The following ITPK1 variants were observed in gnomAD, a reference collection of about 807,000 sequenced individuals.
ITPK1 encodes inositol 1,3,4-trisphosphate 5/6-kinase.
A neutral mutation model predicts 45.3 loss-of-function variants in ITPK1; 21 were observed. That is an observed-to-expected ratio of 0.46 (90% CI 0.33 to 0.67). The LOEUF (loss-of-function observed/expected upper bound fraction) is 0.67, where lower values mean the gene tolerates loss of function less well. ITPK1 is among the 30% of genes least tolerant of loss of function. ITPK1 has a pLI of 0.02. For missense variants in ITPK1, 474 were observed against 573.5 expected (o/e 0.83, Z 1.77); for synonymous variants, 258 against 253.6 (o/e 1.02, Z -0.16).
At chr14:93,049,777 T>C (rs1483385595) in intron 3 of ITPK1, among the ~76,000 whole-genome samples, 1 of 143,054 alleles carries the variant, frequency 7.0e-6, no homozygotes, top group East Asian at 2.3e-4. Context: ...TAAGGAAATA[T>C]CCAGAGGGAA....
At chr14:93,064,781 A>G (rs1208057802) in intron 3 of ITPK1, among the ~76,000 whole-genome samples, 1 of 152,190 alleles carries the variant, frequency 6.6e-6, no homozygotes, top group Non-Finnish European at 1.5e-5. Flanking sequence ...TCTGCCTACC[A>G]TTTGTGCAGA....
chr14:93,017,772 G>C (rs1251212325), intron 3 of ITPK1, among the ~76,000 whole-genome samples: 1 of 152,232 alleles, frequency 6.6e-6, no homozygotes, highest in East Asian at 1.9e-4. Flanking sequence ...CAGGATTCAA[G>C]GCTGACTGTT....
At chr14:92,977,760 T>C (rs1886021329) in intron 5 of ITPK1, among the ~76,000 whole-genome samples, 1 of 151,938 alleles carries the variant, frequency 6.6e-6, no homozygotes, top group South Asian at 2.1e-4. Context: ...TCACCAGCCA[T>C]GCCTTCTGTA....
chr14:93,110,556 ACT>A (rs1240460990), intron 2 of ITPK1, among the ~76,000 whole-genome samples: 1 of 151,966 alleles, frequency 6.6e-6, no homozygotes, highest in Non-Finnish European at 1.5e-5. Flanking sequence ...GGCATGCTAC[ACT>A]CTCACTGGCA....
chr14:92,986,809 C>G (rs1250553983), intron 5 of ITPK1, among the ~76,000 whole-genome samples: 1 of 152,186 alleles, frequency 6.6e-6, no homozygotes, highest in Non-Finnish European at 1.5e-5. Context: ...ATCTCTCCTG[C>G]AGGGTGCCAG....
chr14:92,969,094 G>A (rs543571577), intron 5 of ITPK1, among the ~76,000 whole-genome samples: 2 of 152,132 alleles, frequency 1.3e-5, no homozygotes, highest in Non-Finnish European at 2.9e-5. Flanking sequence ...TGAAGTGAGA[G>A]TAAATAAGAA....
intron 2 of ITPK1, among the ~76,000 whole-genome samples, chr14:93,104,656 C>T (rs1278449293): frequency 2.0e-5 from 3 of 152,152 alleles, no homozygotes; most frequent in African/African-American, 4.8e-5. Flanking sequence ...CCTCATCTAG[C>T]AAATGGAGAC....
Position 93,032,711 on chromosome 14 carries a change from T to C in ITPK1, c.121-15910A>G, listed in dbSNP as rs1352537432. Among the ~76,000 whole-genome samples, 1 of 152,162 alleles carries C rather than the reference T, an allele frequency of 6.6e-6. No individual in the cohort carries two copies. The highest frequency in any genetic ancestry group is 1.5e-5 in the Non-Finnish European group (1 of 68,032). On this transcript the variant is annotated intron_variant, in intron 3 of 10. Transcript: ENST00000267615. This position sits in a 1 kb window ranked among gnomAD's most constrained non-coding sequence, Gnocchi z 4.0. ...GGCAGCTTGATGCCCTTGAATATCT[T>C]CCGATTAGCCTCATCTAGAAGGCAC... is the stretch of plus-strand genomic sequence containing the variant.
At chr14:93,113,027 C>T (rs906439473) in intron 2 of ITPK1, among the ~76,000 whole-genome samples, 1 of 151,824 alleles carries the variant, frequency 6.6e-6, no homozygotes, top group African/African-American at 2.4e-5. Context: ...AAATAAGAAA[C>T]GGAAAAACTC....
Position 93,000,083 on chromosome 14 carries a change from T to C in ITPK1, c.247-6086A>G, listed in dbSNP as rs1183615310. Among the ~76,000 whole-genome samples the C allele has an allele frequency of 2.6e-5, 4 of 152,252 alleles. No homozygotes were observed. The East Asian group carries it at 7.7e-4, about 29-fold the overall frequency. ...TGTTGCAGCGTGCGGCAGTGCTTTGTTCTTCTTTAAGATGAAATAGTACTT... is the reference window on the plus strand; with the variant it reads ...TGTTGCAGCGTGCGGCAGTGCTTTGCTCTTCTTTAAGATGAAATAGTACTT... On this transcript the variant is annotated intron_variant, in intron 4 of 10. Transcript: ENST00000267615.
intron 3 of ITPK1, among the ~76,000 whole-genome samples, chr14:93,075,635 C>T (rs550533302): frequency 1.3e-5 from 2 of 152,146 alleles, no homozygotes; most frequent in African/African-American, 2.4e-5. Flanking sequence ...GGAATGGGGA[C>T]GCTGCTCTCC....
At chr14:93,031,633 T>C (rs1277947613) in intron 3 of ITPK1, among the ~76,000 whole-genome samples, 1 of 152,098 alleles carries the variant, frequency 6.6e-6, no homozygotes, top group Non-Finnish European at 1.5e-5. Flanking sequence ...ATGAGGGCCA[T>C]AGACCCCCCT....
At chr14:92,993,283 A>G (rs1783384747) in intron 5 of ITPK1, among the ~76,000 whole-genome samples, 1 of 152,182 alleles carries the variant, frequency 6.6e-6, no homozygotes, top group Admixed American at 6.5e-5. Context: ...TCTCTCCACA[A>G]AGTCTTTCTC....
At position 93,016,785 on chromosome 14, in the gene ITPK1, G is replaced by A. The variant is rs1054474769; in HGVS notation, c.137C>T (p.Pro46Leu). The change falls in exon 4 of 11, where the codon CCG becomes CTG. Residue 46 changes from proline (P) to leucine (L), a missense_variant. Physicochemically the swap from Pro to Leu is moderately conservative, Grantham distance 98 (BLOSUM62 -3). This residue lies in a region of ITPK1 where 367 missense variants were observed against 480.6 expected (regional missense o/e 0.76). Coordinates refer to ENST00000267615, the MANE Select transcript of ITPK1 (RefSeq NM_014216.6). The surrounding 1 kb of genome is among the most constrained non-coding windows in gnomAD (Gnocchi z 5.0). ...GTCCAGGGGGCCCTGCTCCTCGATCGGCCGGCTAAGGTTCAGCTGTGAGGC... is the reference window on the plus strand; with the variant it reads ...GTCCAGGGGGCCCTGCTCCTCGATCAGCCGGCTAAGGTTCAGCTGTGAGGC... The part of the protein sequence containing the change: ...MEVVQLNLSR[P>L]IEEQGPLDVI... 17 of 1,614,012 alleles carry A rather than the reference G, an allele frequency of 1.1e-5. No individual in the cohort carries two copies. In the Admixed American group the frequency reaches 1.3e-4, roughly 13 times the overall value.
intron 3 of ITPK1, chr14:93,066,310 G>A: frequency 2.2e-6 from 1 of 450,676 alleles, no homozygotes; most frequent in Non-Finnish European, 4.4e-6. Flanking sequence ...GCGTGCATGT[G>A]TGTGTGTGTA....
chr14:93,081,035 A>G (rs1221271989), intron 2 of ITPK1, among the ~76,000 whole-genome samples: 1 of 151,288 alleles, frequency 6.6e-6, no homozygotes, highest in Non-Finnish European at 1.5e-5. Flanking sequence ...TTTAAGTTTC[A>G]TTAAAAACCT....
At chr14:92,998,063 C>T (rs1293512483) in intron 4 of ITPK1, among the ~76,000 whole-genome samples, 1 of 152,200 alleles carries the variant, frequency 6.6e-6, no homozygotes, top group African/African-American at 2.4e-5. Flanking sequence ...CTGTCAGAGT[C>T]CTGAGTCCAG....
At position 92,940,545 on chromosome 14, in the gene ITPK1, T is replaced by G; in HGVS notation, c.*1016A>C. 8.6e-7 allele frequency: 1 copy of G among 1,167,720 alleles called. No homozygotes were observed. Among genetic ancestry groups the G allele is most frequent in the Non-Finnish European group, 1.1e-6 (1 of 930,312 alleles). The allele number at this position is 1,167,720 out of a possible 1,614,324, so 72.3% of individuals were successfully genotyped here. ...TGGGTGAGGAGGGACCCAGCAGGTG[T>G]GAAAAGGAGTGAACCCACTGGGAAG... On this transcript the variant is annotated 3_prime_UTR_variant, in exon 11 of 11. Coordinates refer to ENST00000267615, the MANE Select transcript of ITPK1 (RefSeq NM_014216.6).
intron 4 of ITPK1, among the ~76,000 whole-genome samples, chr14:93,004,218 G>T (rs992840407): frequency 2.0e-5 from 3 of 152,222 alleles, no homozygotes; most frequent in East Asian, 1.9e-4. Context: ...GGTGGGCAGT[G>T]GACAGCTGTG....
Sources: allele counts gnomAD v4.1 joint callset (sites outside exome capture counted in the v4.1 genomes callset), GRCh38; gene constraint gnomAD v4.1.1; regional missense constraint gnomAD v4.1.1; non-coding constraint Gnocchi (gnomAD v3.1); transcripts MANE v1.5; gene names NCBI Gene and HGNC (gene_info 2026-07-23, HGNC 2026-07-21).